SLC26A9: variants seen among roughly 807,000 people sequenced by gnomAD.
SLC26A9 encodes the protein solute carrier family 26 member 9.
Under a neutral mutation model 87.1 loss-of-function variants are expected in SLC26A9, and 46 were observed. That is an observed-to-expected ratio of 0.53 (90% CI 0.42 to 0.67). The LOEUF is 0.67. Among genes scored for constraint, SLC26A9 ranks in the 30% least tolerant of loss-of-function variants. SLC26A9 has a pLI of 0.00. For missense variants in SLC26A9, 927 were observed against 1,018.3 expected, an observed-to-expected ratio of 0.91 and a Z score of 1.22; for synonymous variants, 437 against 409.1, an observed-to-expected ratio of 1.07 and a Z score of -0.82.
At chr1:205,915,752 C>A (rs1658567484) in intron 20 of SLC26A9, among the ~76,000 whole-genome samples, 1 of 152,186 alleles carries the variant, frequency 6.6e-6, no homozygotes, top group African/African-American at 2.4e-5. Context: ...GAAGTCCTTT[C>A]TCACGTTGAT....
chr1:205,938,578 G>C (rs1022639624), intron 1 of SLC26A9, among the ~76,000 whole-genome samples: 1 of 152,100 alleles, frequency 6.6e-6, no homozygotes, highest in African/African-American at 2.4e-5. Context: ...ATCTGGGCTG[G>C]TCTGTTCTGC....
At chr1:205,917,251 TC>T in intron 20 of SLC26A9, 31 bp downstream of exon 20, 2 of 1,612,910 alleles carry the variant, frequency 1.2e-6, no homozygotes, top group Admixed American at 1.7e-5. Context: ...TTCGCCCTGC[TC>T]CCACCCTCAC....
At chr1:205,917,412 G>T in intron 19 of SLC26A9, 58 bp from the exon 20 acceptor site, 5 of 1,576,362 alleles carry the variant, frequency 3.2e-6, no homozygotes, top group Non-Finnish European at 4.4e-6. Flanking sequence ...CAAAGTTGGT[G>T]CATGGTGGCA....
chr1:205,924,770 G>A, intron 12 of SLC26A9: 2 of 358,494 alleles, frequency 5.6e-6, no homozygotes, highest in South Asian at 3.6e-5. Context: ...TGCATCTTGG[G>A]TCAGATCTGT....
In SLC26A9 at chr1:205,917,324, C is replaced by T. The variant is rs775349123; in HGVS notation, c.2287G>A (p.Asp763Asn). The stretch of plus-strand genomic sequence containing the variant: ...TAGCTGCGAATGTCCTCCTCTGAGT[C>T]GTACAAGGAGAGCTCAGCATCCCCT... ...APGDAELSLYDSEEDIRSYWD... is the reference protein window; with the variant it reads ...APGDAELSLYNSEEDIRSYWD... Residue 763 changes from aspartate to asparagine, a missense_variant, in exon 20 of 21, where the codon GAC becomes AAC. Transcript: ENST00000367135. 9.3e-6 allele frequency: 15 copies of T among 1,613,858 alleles called. No individual in the cohort carries two copies. The African/African-American group carries it at 1.2e-4, about 13-fold the overall frequency.
At chr1:205,920,357 C>A in intron 17 of SLC26A9, 127 bp from the exon 18 acceptor site, 2 of 1,062,898 alleles carry the variant, frequency 1.9e-6, no homozygotes, top group Non-Finnish European at 1.4e-6. Context: ...GCCCAGCAGC[C>A]AAAGACAAAA....
intron 1 of SLC26A9, among the ~76,000 whole-genome samples, chr1:205,942,507 G>A (rs984831910): frequency 6.6e-6 from 1 of 152,218 alleles, no homozygotes; most frequent in African/African-American, 2.4e-5. Flanking sequence ...GGGGGCAGTT[G>A]ATGCTGGAAT....
intron 20 of SLC26A9, among the ~76,000 whole-genome samples, 165 bp from the exon 21 acceptor site, chr1:205,915,569 G>A (rs571786261): frequency 1.2e-4 from 18 of 151,442 alleles, no homozygotes; most frequent in African/African-American, 4.4e-4. Context: ...TGTGAACAGG[G>A]GAGAGGCAGG....
At chr1:205,932,625 C>T in intron 4 of SLC26A9, 77 bp downstream of exon 4, 1 of 1,231,266 alleles carries the variant, frequency 8.1e-7, no homozygotes, top group Non-Finnish European at 1.1e-6. Context: ...GATGGAAAAT[C>T]TCCCGAGGCC....
In SLC26A9 at chr1:205,927,236, C is replaced by T; in HGVS notation, c.1268G>A (p.Gly423Glu). Residue 423 changes from glycine to glutamate, a missense_variant, in exon 11 of 21, where the codon GGG becomes GAG. Gly to Glu is a moderately conservative substitution (Grantham distance 98). Coordinates refer to ENST00000367135, the MANE Select transcript of SLC26A9 (RefSeq NM_052934.4). ...CTTAGGGAGAGGATACAGATAGATC[C>T]CCAGGACCAGCATGGTGATCATCAC... is the stretch of plus-strand genomic sequence containing the variant. ...LVVMITMLVL[G>E]IYLYPLPKSV... is the part of the protein sequence containing the mutation. 1 of 1,614,096 alleles carries T rather than the reference C, an allele frequency of 6.2e-7. No homozygotes were observed. Among genetic ancestry groups the T allele is most frequent in the Non-Finnish European group, 8.5e-7 (1 of 1,180,022 alleles).
chr1:205,938,209 T>G (rs1571761299), intron 1 of SLC26A9, among the ~76,000 whole-genome samples: 1 of 139,616 alleles, frequency 7.2e-6, no homozygotes, highest in East Asian at 2.0e-4. Context: ...CCCCTCAGCC[T>G]CCATATTCAG....
chr1:205,934,268 C>G (rs145333739), intron 2 of SLC26A9, among the ~76,000 whole-genome samples: 1 of 152,194 alleles, frequency 6.6e-6, no homozygotes, highest in South Asian at 2.1e-4. Flanking sequence ...CTCATGGGTG[C>G]CTCTGCCATC....
chr1:205,939,385 G>A (rs1385774807), intron 1 of SLC26A9, among the ~76,000 whole-genome samples: 1 of 152,148 alleles, frequency 6.6e-6, no homozygotes, highest in Non-Finnish European at 1.5e-5. Flanking sequence ...GATGGGACAG[G>A]ACCTCTGGGT....
intron 5 of SLC26A9, among the ~76,000 whole-genome samples, chr1:205,931,465 G>GCTTTTTTTTTTTTTTTTTTT (rs1553270525): frequency 1.0e-5 from 1 of 96,012 alleles, no homozygotes. Context: ...CCCTAACTTG[G>GCTTTTTTTTTTTTTTTTTTT]TTTTTTTTTT....
At chr1:205,940,072 G>GT (rs1659675214) in intron 1 of SLC26A9, among the ~76,000 whole-genome samples, 1 of 145,278 alleles carries the variant, frequency 6.9e-6, no homozygotes, top group Non-Finnish European at 1.5e-5. Flanking sequence ...GGGACTTAGA[G>GT]GGGGTCTGTA....
rs1558117013 is a variant in SLC26A9, at chr1:205,915,413, A to G, written c.2329-9T>C. 1.9e-6 allele frequency: 3 copies of G among 1,613,950 alleles called. No individual in the cohort carries two copies. The highest frequency in any genetic ancestry group is 2.2e-5 in the East Asian group (1 of 44,880). ...ATGCTCCCGAACATCTCCTGCAGGA[A>G]CCACAGGAAGGAAGTGGGAGGGGAA... On this transcript the variant is annotated splice_polypyrimidine_tract_variant and intron_variant, in intron 20 of 20. Transcript: ENST00000367135.
At chr1:205,940,467 G>C (rs564600557) in intron 1 of SLC26A9, among the ~76,000 whole-genome samples, 1 of 152,164 alleles carries the variant, frequency 6.6e-6, no homozygotes, top group African/African-American at 2.4e-5. Context: ...GCACTGAAAG[G>C]CTCGGAACGG....
chr1:205,936,408 G>A (rs1181785105), intron 1 of SLC26A9, among the ~76,000 whole-genome samples: 1 of 152,204 alleles, frequency 6.6e-6, no homozygotes, highest in African/African-American at 2.4e-5. Flanking sequence ...AATGGTGTGT[G>A]TGGGGAAACC....
At position 205,915,158 on chromosome 1, in the gene SLC26A9, AC is replaced by A. The variant is rs759846262; in HGVS notation, c.*198del. On this transcript the variant is annotated 3_prime_UTR_variant, in exon 21 of 21. Transcript: ENST00000367135. ...AGACTCTCACTCCTGTAAGGGTAGC[AC>A]CCCCCTGCTGCTGAGAGGCTCTCTC... 22 of 1,611,966 alleles carry A rather than the reference AC, an allele frequency of 1.4e-5. No individual in the cohort carries two copies. Among genetic ancestry groups the A allele is most frequent in the Admixed American group, 5.0e-5 (3 of 59,848 alleles).
Sources: allele counts gnomAD v4.1 joint callset (sites outside exome capture counted in the v4.1 genomes callset), GRCh38; gene constraint gnomAD v4.1.1; transcripts MANE v1.5; gene names NCBI Gene and HGNC (gene_info 2026-07-23, HGNC 2026-07-21).